The following RASEF variants were observed in gnomAD, a reference collection of about 807,000 sequenced individuals.
RASEF encodes the protein ras and EF-hand domain-containing protein.
In RASEF, 68 loss-of-function variants were observed where a neutral mutation model predicts 90.1. The observed-to-expected ratio is 0.75, with a 90% CI of 0.62 to 0.92. RASEF has a LOEUF of 0.92. Among genes scored for constraint, RASEF ranks in the 40% least tolerant of loss-of-function variants. The pLI, the probability that RASEF is intolerant of heterozygous loss-of-function variation, is 0.00. For missense variants in RASEF, 949 were observed against 937.2 expected (o/e 1.01, Z -0.16); for synonymous variants, 331 against 345.2 (o/e 0.96, Z 0.46).
chr9:83,116,995 C>A, the RASEF span, among the ~76,000 whole-genome samples: 1 of 152,176 alleles, frequency 6.6e-6, no homozygotes. Context: ...GTATCCCAAG[C>A]TACTCCTCAG....
At chr9:83,144,391 GGAAA>G in the RASEF span, among the ~76,000 whole-genome samples, 158 of 33,228 alleles carry the variant, frequency 4.8e-3, 6 homozygotes, top group South Asian at 0.03. Flanking sequence ...AAGAAAGAAA[GGAAA>G]GAAAGAAAGA....
chr9:83,096,389 C>T, the RASEF span, among the ~76,000 whole-genome samples: 51 of 152,202 alleles, frequency 3.4e-4, no homozygotes, highest in African/African-American at 1.2e-3. Flanking sequence ...ATAAACAAGA[C>T]TTCTATGGGC....
the RASEF span, among the ~76,000 whole-genome samples, chr9:83,109,811 G>A: frequency 1.5e-4 from 23 of 152,034 alleles, no homozygotes; most frequent in Admixed American, 1.2e-3. Flanking sequence ...CCTCCCAGAC[G>A]CGTTATAAAT....
At chr9:83,025,955 A>T in intron 1 of RASEF, 34 bp from the exon 2 acceptor site, 1 of 1,515,178 alleles carries the variant, frequency 6.6e-7, no homozygotes, top group South Asian at 1.3e-5. Flanking sequence ...TAAACCAATT[A>T]TAAAATTTTA....
intron 14 of RASEF, among the ~76,000 whole-genome samples, chr9:82,994,472 T>C (rs1484692427): frequency 6.6e-6 from 1 of 152,202 alleles, no homozygotes; most frequent in African/African-American, 2.4e-5. Flanking sequence ...TAACCTGCTC[T>C]CGTTTTGTTT....
At chr9:83,151,191 A>T in the RASEF span, among the ~76,000 whole-genome samples, 1 of 152,148 alleles carries the variant, frequency 6.6e-6, no homozygotes, top group Non-Finnish European at 1.5e-5. Context: ...CTGACTTTTA[A>T]TAGGTTTTAT....
chr9:83,144,391 G>GAAAGAAAGAAAAGAAAGAAAGAAAGAAA, the RASEF span, among the ~76,000 whole-genome samples: 2 of 33,220 alleles, frequency 6.0e-5, no homozygotes, highest in African/African-American at 1.0e-4. Context: ...AAGAAAGAAA[G>GAAAGAAAGAAAAGAAAGAAAGAAAGAAA]GAAAGAAAGA....
chr9:83,007,650 G>A lies in RASEF; in HGVS notation c.960-145C>T. 1.2e-5 allele frequency: 8 copies of A among 645,272 alleles called. No individual in the cohort carries two copies. In the South Asian group the frequency reaches 1.3e-4, roughly 10 times the overall value. The allele number at this position is 645,272 out of a possible 1,614,324, so 40.0% of individuals were successfully genotyped here. ...TCTATCTTTCCCGTGCTCCTGCTCT[G>A]GGCCTCTGTGGCCTCAGCAGCCTCC... On this transcript the variant is annotated intron_variant, in intron 6 of 16. Coordinates refer to ENST00000376447, the MANE Select transcript of RASEF (RefSeq NM_152573.4).
At chr9:83,167,927 C>T in the RASEF span, among the ~76,000 whole-genome samples, 9 of 152,218 alleles carry the variant, frequency 5.9e-5, no homozygotes, top group East Asian at 1.5e-3. Context: ...ATATTTGAAT[C>T]ACTTCTACTT....
chr9:83,069,637 C>T, the RASEF span, among the ~76,000 whole-genome samples: 1,823 of 152,206 alleles, frequency 0.012, 38 homozygotes, highest in African/African-American at 0.041. Flanking sequence ...CTGTACAAGT[C>T]TTTGTATTAA....
chr9:83,143,964 C>T, the RASEF span, among the ~76,000 whole-genome samples: 7 of 152,060 alleles, frequency 4.6e-5, no homozygotes, highest in African/African-American at 7.2e-5. Context: ...TGGAATAGTA[C>T]GCAACCATAA....
At chr9:83,030,237 G>A (rs1028162670) in intron 1 of RASEF, among the ~76,000 whole-genome samples, 1 of 151,880 alleles carries the variant, frequency 6.6e-6, no homozygotes, top group Non-Finnish European at 1.5e-5. Context: ...GGCGCCTGTA[G>A]TCCCAGCTAC....
chr9:83,147,040 GTATA>G, the RASEF span, among the ~76,000 whole-genome samples: 5,289 of 143,684 alleles, frequency 0.037, 307 homozygotes, highest in African/African-American at 0.13. Context: ...ATATATATAT[GTATA>G]TATATATATA....
At chr9:83,080,709 G>A in the RASEF span, among the ~76,000 whole-genome samples, 3 of 152,006 alleles carry the variant, frequency 2.0e-5, no homozygotes, top group Admixed American at 2.0e-4. Flanking sequence ...GTTAATAACA[G>A]AAAAATTTCA....
At chr9:83,141,754 T>C in the RASEF span, among the ~76,000 whole-genome samples, 1 of 152,050 alleles carries the variant, frequency 6.6e-6, no homozygotes, top group Non-Finnish European at 1.5e-5. Flanking sequence ...GTCTTGGTGA[T>C]TAGGGAGAGG....
intron 3 of RASEF, among the ~76,000 whole-genome samples, chr9:83,019,949 C>T (rs1005837840): frequency 2.0e-5 from 3 of 152,164 alleles, no homozygotes; most frequent in Admixed American, 6.5e-5. Context: ...GCTTGTTATG[C>T]CTTCAAGGGG....
chr9:83,029,559 A>ATTT (rs59621078), intron 1 of RASEF, among the ~76,000 whole-genome samples: 2 of 130,340 alleles, frequency 1.5e-5, no homozygotes. Context: ...CACCAAACTA[A>ATTT]TTTTTTTTTT....
chr9:82,983,058 G>T (rs1281725436), intron 16 of RASEF, among the ~76,000 whole-genome samples: 1 of 150,886 alleles, frequency 6.6e-6, no homozygotes, highest in Non-Finnish European at 1.5e-5. Context: ...ACAGAAGTGG[G>T]ATTAAAACCA....
chr9:83,189,872 T>C, the RASEF span, among the ~76,000 whole-genome samples: 4 of 152,172 alleles, frequency 2.6e-5, no homozygotes, highest in African/African-American at 4.8e-5. Flanking sequence ...AATTCAAATA[T>C]TTAGTGGAGT....
Sources: allele counts gnomAD v4.1 joint callset (sites outside exome capture counted in the v4.1 genomes callset), GRCh38; gene constraint gnomAD v4.1.1; transcripts MANE v1.5; gene names NCBI Gene and HGNC (gene_info 2026-07-23, HGNC 2026-07-21).